The following CHRNA7 variants were observed in gnomAD, a reference collection of about 807,000 sequenced individuals.
CHRNA7 encodes neuronal acetylcholine receptor subunit alpha-7.
Under a neutral mutation model 48.0 loss-of-function variants are expected in CHRNA7, and 17 were observed. The observed-to-expected ratio is 0.35, with a 90% confidence interval of 0.24 to 0.53. The LOEUF is 0.53. Among genes scored for constraint, CHRNA7 ranks in the 20% least tolerant of loss-of-function variants. The pLI is 0.92. For missense variants in CHRNA7, 155 were observed against 577.7 expected (o/e 0.27, Z 7.50); for synonymous variants, 75 against 242.3 (o/e 0.31, Z 6.41).
rs918373952 is a variant in CHRNA7 at position 32,030,535 on chromosome 15, A to G, written c.-60A>G. 3.6e-6 allele frequency: 5 copies of G among 1,382,292 alleles called. No individual in the cohort carries two copies. The African/African-American group carries it at 4.6e-5, about 13-fold the overall frequency. 85.6% of individuals were successfully genotyped at this position (1,382,292 alleles called of 1,614,324 possible). A position where few individuals can be genotyped will look rare whatever the true frequency, so the allele number is the denominator to read the frequency against. ...GAGGTGCCTCTGTGGCCGCAGGCGC[A>G]GGCCCGGGCGACAGCCGAGACGTGG... On this transcript the variant is annotated 5_prime_UTR_variant, in exon 1 of 10. Coordinates refer to ENST00000306901, the MANE Select transcript of CHRNA7 (RefSeq NM_000746.6).
intron 2 of CHRNA7, among the ~76,000 whole-genome samples, chr15:32,032,650 G>T (rs916729621): frequency 1.3e-4 from 20 of 152,156 alleles, no homozygotes; most frequent in Non-Finnish European, 2.4e-4. Flanking sequence ...TTTGTCCAGG[G>T]TCAACTCCAG....
intron 4 of CHRNA7, among the ~76,000 whole-genome samples, chr15:32,112,645 A>T (rs753461222): frequency 6.6e-6 from 1 of 152,216 alleles, no homozygotes; most frequent in Non-Finnish European, 1.5e-5. Flanking sequence ...TCATGAAAAG[A>T]AAGTTATTTC....
intron 2 of CHRNA7, among the ~76,000 whole-genome samples, chr15:32,050,878 G>T (rs1309918969): frequency 6.6e-6 from 1 of 152,216 alleles, no homozygotes; most frequent in Non-Finnish European, 1.5e-5. Flanking sequence ...AGGACCCTCA[G>T]CTGCAGGTCT....
chr15:32,034,432 C>T (rs1901989090), intron 2 of CHRNA7, among the ~76,000 whole-genome samples: 1 of 152,170 alleles, frequency 6.6e-6, no homozygotes, highest in African/African-American at 2.4e-5. Flanking sequence ...TTTATAGACC[C>T]TTTTGTAAGA....
intron 4 of CHRNA7, among the ~76,000 whole-genome samples, chr15:32,131,278 C>T (rs2051151937): frequency 6.6e-6 from 1 of 151,934 alleles, no homozygotes; most frequent in Admixed American, 6.6e-5. Flanking sequence ...TTCTCATTTT[C>T]TTTCTCTTCT....
intron 2 of CHRNA7, among the ~76,000 whole-genome samples, chr15:32,054,481 A>ACTC (rs2049750559): frequency 1.3e-5 from 2 of 152,206 alleles, no homozygotes; most frequent in Non-Finnish European, 2.9e-5. Flanking sequence ...TAGAGTAGAT[A>ACTC]TACACTAATG....
chr15:32,091,521 T>TACATTTTCAGGAAATAGA (rs2050381648), intron 2 of CHRNA7, among the ~76,000 whole-genome samples: 1 of 152,176 alleles, frequency 6.6e-6, no homozygotes, highest in African/African-American at 2.4e-5. Flanking sequence ...AGAAGGCTGA[T>TACATTTTCAGGAAATAGA]ACATTTTCAG....
chr15:32,142,508 T>G (rs1478068921), intron 4 of CHRNA7, among the ~76,000 whole-genome samples: 1 of 151,940 alleles, frequency 6.6e-6, no homozygotes, highest in Non-Finnish European at 1.5e-5. Context: ...CCGGCTCCTC[T>G]GTACCTCTGG....
intron 4 of CHRNA7, among the ~76,000 whole-genome samples, chr15:32,114,628 A>G (rs1033188755): frequency 6.6e-6 from 1 of 152,246 alleles, no homozygotes; most frequent in African/African-American, 2.4e-5. Context: ...ATTTTGAAGT[A>G]ACTGCTAAAT....
chr15:32,114,875 T>A (rs1349121761), intron 4 of CHRNA7, among the ~76,000 whole-genome samples: 1 of 152,230 alleles, frequency 6.6e-6, no homozygotes, highest in Non-Finnish European at 1.5e-5. Flanking sequence ...ACTGGGCCGA[T>A]GTGCTGAGGG....
intron 4 of CHRNA7, among the ~76,000 whole-genome samples, chr15:32,129,875 A>G (rs1208156901): frequency 6.6e-6 from 1 of 151,946 alleles, no homozygotes; most frequent in Non-Finnish European, 1.5e-5. Context: ...TAGCACTACC[A>G]GCATGTCATA....
intron 4 of CHRNA7, among the ~76,000 whole-genome samples, chr15:32,142,346 A>G (rs1165668230): frequency 6.6e-6 from 1 of 152,186 alleles, no homozygotes; most frequent in Non-Finnish European, 1.5e-5. Context: ...GGATTTTTGC[A>G]TCAATGCTCC....
At chr15:32,145,590 C>G (rs1372972770) in intron 4 of CHRNA7, among the ~76,000 whole-genome samples, 1 of 152,182 alleles carries the variant, frequency 6.6e-6, no homozygotes, top group Non-Finnish European at 1.5e-5. Flanking sequence ...TTCGAGCTTC[C>G]TGGCCGCTTT....
At chr15:32,133,110 G>T (rs1214121356) in intron 4 of CHRNA7, among the ~76,000 whole-genome samples, 8 of 152,178 alleles carry the variant, frequency 5.3e-5, no homozygotes, top group African/African-American at 1.9e-4. Flanking sequence ...GTGTCTCCAA[G>T]TGACCCTTTC....
At chr15:32,040,713 T>C (rs1465627511) in intron 2 of CHRNA7, among the ~76,000 whole-genome samples, 1 of 152,012 alleles carries the variant, frequency 6.6e-6, no homozygotes, top group Non-Finnish European at 1.5e-5. Context: ...ATCTGTTAGA[T>C]AAATTAATAA....
Position 32,080,350 on chromosome 15 carries a change from G to A in CHRNA7, c.196-20953G>A, listed in dbSNP as rs1350960507. ...CAGCAAAAGAAACTGTCATCACAGTGAACAGACAGCCTATAGAATGTGAGA... is the reference window on the plus strand; with the variant it reads ...CAGCAAAAGAAACTGTCATCACAGTAAACAGACAGCCTATAGAATGTGAGA... On this transcript the variant is annotated intron_variant, in intron 2 of 9. Transcript: ENST00000306901. Among the ~76,000 whole-genome samples, 5 of 152,130 alleles carry A rather than the reference G, an allele frequency of 3.3e-5. No homozygotes were observed. The East Asian group carries it at 9.6e-4, about 29-fold the overall frequency.
intron 4 of CHRNA7, among the ~76,000 whole-genome samples, chr15:32,143,046 G>A (rs1167321107): frequency 6.6e-6 from 1 of 152,060 alleles, no homozygotes; most frequent in Non-Finnish European, 1.5e-5. Flanking sequence ...GCTTTCTCTT[G>A]TGGGCATTTA....
chr15:32,131,631 A>C (rs1033537875), intron 4 of CHRNA7, among the ~76,000 whole-genome samples: 9 of 152,218 alleles, frequency 5.9e-5, no homozygotes, highest in African/African-American at 2.2e-4. Context: ...TTGAGGTTTT[A>C]AAATCCAGAG....
At chr15:32,086,225 T>C (rs956125506) in intron 2 of CHRNA7, among the ~76,000 whole-genome samples, 19 of 151,694 alleles carry the variant, frequency 1.3e-4, no homozygotes, top group Non-Finnish European at 2.4e-4. Context: ...AAAAATTAGC[T>C]GGGCCTGGTG....
Sources: allele counts gnomAD v4.1 joint callset (sites outside exome capture counted in the v4.1 genomes callset), GRCh38; gene constraint gnomAD v4.1.1; transcripts MANE v1.5; gene names NCBI Gene and HGNC (gene_info 2026-07-23, HGNC 2026-07-21).